Variants in PRKDC observed in about 807,000 individuals in gnomAD.
PRKDC encodes DNA-dependent protein kinase catalytic subunit.
A neutral mutation model predicts 486.9 loss-of-function variants in PRKDC; 82 were observed. That is an observed-to-expected ratio of 0.17 (90% confidence interval 0.14 to 0.20). The LOEUF is 0.20. Ranked by LOEUF, PRKDC falls within the 10% of genes least tolerant of loss-of-function variation. The pLI, the probability that PRKDC is intolerant of heterozygous loss-of-function variation, is 1.00. For synonymous variants in PRKDC, 1,895 were observed against 1,837.0 expected (o/e 1.03, Z -0.81); for missense variants, 4,504 against 5,038.2 (o/e 0.89, Z 3.21).
chr8:47,880,191 C>G (rs2089182855), intron 38 of PRKDC, among the ~76,000 whole-genome samples: 1 of 152,100 alleles, frequency 6.6e-6, no homozygotes, highest in Non-Finnish European at 1.5e-5. Flanking sequence ...TTGGTTGACG[C>G]CAGCTATGGA....
In PRKDC at chr8:47,785,167, G is replaced by A; in HGVS notation, c.11053C>T (p.Pro3685Ser). 1.9e-6 allele frequency: 3 copies of A among 1,613,928 alleles called. No individual in the cohort carries two copies. The highest frequency in any genetic ancestry group is 2.5e-6 in the Non-Finnish European group (3 of 1,179,878). The stretch of plus-strand genomic sequence containing the variant: ...TCCACTTTGAAGTCGCTCATCCAGG[G>A]TGAACATTCTTTCAGATTCCCAGGG... ...KPPGNLKECS[P>S]WMSDFKVEFL... is the part of the protein sequence containing the mutation. Residue 3685 changes from proline (P) to serine (S), a missense_variant, in exon 77 of 86, where the codon CCC becomes TCC. Physicochemically the swap from Pro to Ser is moderately conservative, Grantham distance 74. This residue lies in a region of PRKDC where 706 missense variants were observed against 945.0 expected (regional missense o/e 0.75). Transcript: ENST00000314191.
chr8:47,799,157 A>T, intron 72 of PRKDC, 53 bp downstream of exon 72: 2 of 1,600,834 alleles, frequency 1.2e-6, no homozygotes, highest in Non-Finnish European at 1.7e-6. Flanking sequence ...TACAAAATTC[A>T]TAAGACTTTA....
intron 38 of PRKDC, among the ~76,000 whole-genome samples, chr8:47,880,221 T>C (rs557092078): frequency 6.6e-6 from 1 of 152,314 alleles, no homozygotes; most frequent in East Asian, 1.9e-4. Context: ...AAATGGGACA[T>C]GGTGCTGATT....
chr8:47,913,023 A>G (rs1463717424), intron 24 of PRKDC, among the ~76,000 whole-genome samples: 1 of 152,242 alleles, frequency 6.6e-6, no homozygotes, highest in Non-Finnish European at 1.5e-5. Context: ...TATTGGCTCA[A>G]TTCTTCCAAC....
Position 47,860,890 on chromosome 8 carries a change from A to G in PRKDC, c.6058+9T>C. On this transcript the variant is annotated intron_variant, in intron 45 of 85. Coordinates refer to ENST00000314191, the MANE Select transcript of PRKDC (RefSeq NM_006904.7). ...TGAATCCTTTCTCATGATTTTGAAA[A>G]CATCCTACCTGAATCCCCATTTGCT... The G allele has an allele frequency of 6.3e-7, 1 of 1,593,956 alleles. No homozygotes were observed. Among genetic ancestry groups the G allele is most frequent in the South Asian group, 1.2e-5 (1 of 86,706 alleles).
Position 47,840,195 on chromosome 8 carries a change from GGAGA to G in PRKDC, c.7281-10_7281-7del, listed in dbSNP as rs1263490313. Reference sequence around the variant, plus strand: ...CTTTTTGTCTTTCATCATCTCTATGGGAGAGATTTTAAAAACACACAAATTTAGC... The same window carrying G: ...CTTTTTGTCTTTCATCATCTCTATGGGATTTTAAAAACACACAAATTTAGC... On this transcript the variant is annotated splice_polypyrimidine_tract_variant and splice_region_variant and intron_variant, in intron 54 of 85. Transcript: ENST00000314191. 14 of 1,566,722 alleles carry G rather than the reference GGAGA, an allele frequency of 8.9e-6. No homozygotes were observed. Among genetic ancestry groups the G allele is most frequent in the Non-Finnish European group, 1.2e-5 (14 of 1,153,108 alleles).
Position 47,960,129 on chromosome 8 carries a change from C to G in PRKDC, c.-3G>C. Reference sequence around the variant, plus strand: ...ACACCGGCTCCGGAGCCCGCCATGCCGCCGAGTCCCGCTCCCGCGCGTGCG... The same window carrying G: ...ACACCGGCTCCGGAGCCCGCCATGCGGCCGAGTCCCGCTCCCGCGCGTGCG... On this transcript the variant is annotated 5_prime_UTR_variant, in exon 1 of 86. Transcript: ENST00000314191. 1 of 1,483,578 alleles carries G rather than the reference C, an allele frequency of 6.7e-7. No homozygotes were observed. The highest frequency in any genetic ancestry group is 8.9e-7 in the Non-Finnish European group (1 of 1,118,482). The allele number at this position is 1,483,578 out of a possible 1,614,324, so 91.9% of individuals were successfully genotyped here.
Position 47,859,769 on chromosome 8 carries a change from A to G in PRKDC, c.6059-10T>C, listed in dbSNP as rs773945559. The G allele has an allele frequency of 1.3e-6, 2 of 1,599,062 alleles. No homozygotes were observed. Among genetic ancestry groups the G allele is most frequent in the Admixed American group, 1.7e-5 (1 of 59,324 alleles). ...ATATAGGAAGGACCATCTGAAATAT[A>G]AAAAAGGAGAAAATTACATGTATTC... On this transcript the variant is annotated splice_polypyrimidine_tract_variant and intron_variant, in intron 45 of 85. Coordinates refer to ENST00000314191, the MANE Select transcript of PRKDC (RefSeq NM_006904.7).
intron 68 of PRKDC, among the ~76,000 whole-genome samples, chr8:47,814,295 A>G (rs770031215): frequency 5.3e-5 from 8 of 152,232 alleles, no homozygotes; most frequent in Non-Finnish European, 1.2e-4. Flanking sequence ...ATCTTCTCTA[A>G]CATCAGGAAT....
rs371263930 is a variant in PRKDC at position 47,888,658 on chromosome 8, T to C, written c.4281-8A>G. On this transcript the variant is annotated splice_polypyrimidine_tract_variant and splice_region_variant and intron_variant, in intron 33 of 85. Transcript: ENST00000314191. ...GCACAAAGCTCCTCAATGCTGGCCA[T>C]GTGACAAAACAGTAAATTAGGTGAG... 29 of 1,569,114 alleles carry C rather than the reference T, an allele frequency of 1.8e-5. No individual in the cohort carries two copies. The highest frequency in any genetic ancestry group is 4.5e-5 in the East Asian group (2 of 44,066).
At chr8:47,918,060 T>G (rs1188913346) in intron 22 of PRKDC, among the ~76,000 whole-genome samples, 1 of 152,186 alleles carries the variant, frequency 6.6e-6, no homozygotes, top group Non-Finnish European at 1.5e-5. Flanking sequence ...TTGCCCAGGC[T>G]GAGCTCAAGC....
chr8:47,847,129 T>A, intron 54 of PRKDC, among the ~76,000 whole-genome samples: 1 of 152,158 alleles, frequency 6.6e-6, no homozygotes, highest in African/African-American at 2.4e-5. Context: ...TTTCACAGAA[T>A]TGGAAAAAAC....
intron 38 of PRKDC, among the ~76,000 whole-genome samples, chr8:47,881,194 C>T (rs1419601447): frequency 6.6e-6 from 1 of 152,186 alleles, no homozygotes; most frequent in East Asian, 1.9e-4. Flanking sequence ...GCTTGGCCTT[C>T]CTTGCCTGCT....
chr8:47,841,004 C>G (rs978956178), intron 54 of PRKDC, among the ~76,000 whole-genome samples: 2 of 152,198 alleles, frequency 1.3e-5, no homozygotes, highest in African/African-American at 4.8e-5. Flanking sequence ...AACACAGACA[C>G]TGAGGCTGAA....
chr8:47,866,346 AG>A (rs1361573566), intron 40 of PRKDC, among the ~76,000 whole-genome samples: 1 of 152,082 alleles, frequency 6.6e-6, no homozygotes, highest in East Asian at 1.9e-4. Context: ...GTTGTTTTAT[AG>A]GCCACCCACT....
intron 38 of PRKDC, 59 bp downstream of exon 38, chr8:47,881,357 T>C (rs1382540417): frequency 6.6e-6 from 7 of 1,053,140 alleles, no homozygotes; most frequent in South Asian, 1.5e-5. Flanking sequence ...ACATCACAAA[T>C]AAAAAATACG....
At position 47,927,850 on chromosome 8, in the gene PRKDC, G is replaced by T. The variant is rs1275453572; in HGVS notation, c.2180C>A (p.Ala727Asp). 6.3e-7 allele frequency: 1 copy of T among 1,596,208 alleles called. No homozygotes were observed. Among genetic ancestry groups the T allele is most frequent in the Non-Finnish European group, 8.5e-7 (1 of 1,172,144 alleles). ...GGACAGAAGAAAGGTCAAACAAGAG[G>T]CCAAAAGTTCATCTTTGTACTGCTT... ...KMKQYKDELL[A>D]SCLTFLLSLP... The change falls in exon 20 of 86, where the codon GCC (alanine) becomes GAC (aspartate). Residue 727 changes from alanine (A) to aspartate (D), a missense_variant. Coordinates refer to ENST00000314191, the MANE Select transcript of PRKDC (RefSeq NM_006904.7).
At chr8:47,934,113 A>G in intron 14 of PRKDC, 23 bp from the exon 15 acceptor site, 1 of 1,601,372 alleles carries the variant, frequency 6.2e-7, no homozygotes, top group Non-Finnish European at 8.5e-7. Context: ...ACAGCATGAC[A>G]ATATGTAGTG....
At chr8:47,853,957 G>A (rs994432487) in intron 51 of PRKDC, 126 bp downstream of exon 51, 12 of 1,255,808 alleles carry the variant, frequency 9.6e-6, no homozygotes, top group African/African-American at 7.6e-5. Context: ...ATGAGCCACC[G>A]TGCCTGGCCC....
Sources: gnomAD v4.1 joint callset for allele counts (sites outside exome capture counted in the v4.1 genomes callset) on GRCh38, gnomAD v4.1.1 for gene constraint, gnomAD v4.1.1 regional missense constraint, MANE v1.5 for transcripts, NCBI Gene and HGNC (gene_info 2026-07-23, HGNC 2026-07-21) for gene names.